The following PLEKHA2 variants were observed in gnomAD, a reference collection of about 807,000 sequenced individuals.
PLEKHA2 encodes the protein pleckstrin homology domain containing A2.
PLEKHA2 carries 28 observed loss-of-function variants against 53.2 expected under a neutral mutation model. That is an observed-to-expected ratio of 0.53 (90% CI 0.39 to 0.72). The LOEUF (loss-of-function observed/expected upper bound fraction) is 0.72, where lower values mean the gene tolerates loss of function less well. Ranked by LOEUF, PLEKHA2 falls within the 30% of genes least tolerant of loss-of-function variation. The pLI, the probability that PLEKHA2 is intolerant of heterozygous loss-of-function variation, is 0.00. For missense variants in PLEKHA2, 426 were observed against 537.9 expected, an observed-to-expected ratio of 0.79 and a Z score of 2.06; for synonymous variants, 193 against 196.4, an observed-to-expected ratio of 0.98 and a Z score of 0.14.
At chr8:38,912,388 C>T (rs547821273) in intron 1 of PLEKHA2, among the ~76,000 whole-genome samples, 1 of 152,312 alleles carries the variant, frequency 6.6e-6, no homozygotes, top group Non-Finnish European at 1.5e-5. Flanking sequence ...TGAAGCTTTG[C>T]CTTGGTCTTG....
chr8:38,966,761 T>A (rs540148207), intron 10 of PLEKHA2, among the ~76,000 whole-genome samples: 16 of 152,326 alleles, frequency 1.1e-4, no homozygotes, highest in East Asian at 7.7e-4. Flanking sequence ...TAAATTTTTT[T>A]AAAAGTTTTA....
chr8:38,957,358 TAAC>T lies in PLEKHA2; in HGVS notation c.812_814del (p.Thr271del). On this transcript the variant is annotated inframe_deletion, in exon 10 of 12. Coordinates refer to ENST00000617275, the MANE Select transcript of PLEKHA2 (RefSeq NM_021623.2). ...ATGAGGGACAACCTGTTTGAAATAA[TAAC>T]AAGCTCCAGGACCTTCTACGTACAG... 6.2e-7 allele frequency: 1 copy of T among 1,613,430 alleles called. No homozygotes were observed. Among genetic ancestry groups the T allele is most frequent in the Non-Finnish European group, 8.5e-7 (1 of 1,179,408 alleles).
At chr8:38,915,940 C>T in intron 1 of PLEKHA2, among the ~76,000 whole-genome samples, 1 of 152,160 alleles carries the variant, frequency 6.6e-6, no homozygotes, top group Middle Eastern at 3.2e-3. Context: ...TCATCCCCTT[C>T]AGCATTTATC....
chr8:38,932,986 T>C (rs978919382), intron 2 of PLEKHA2, among the ~76,000 whole-genome samples: 1 of 152,104 alleles, frequency 6.6e-6, no homozygotes, highest in Non-Finnish European at 1.5e-5. Context: ...CAGGGAGAGC[T>C]GCCAGGGAGG....
At chr8:38,938,460 T>C (rs1250596842) in intron 3 of PLEKHA2, among the ~76,000 whole-genome samples, 1 of 152,216 alleles carries the variant, frequency 6.6e-6, no homozygotes, top group African/African-American at 2.4e-5. Flanking sequence ...TTGCTGCCAC[T>C]GCTTCTGCCA....
At chr8:38,945,498 T>A (rs1834696923) in intron 4 of PLEKHA2, among the ~76,000 whole-genome samples, 1 of 152,240 alleles carries the variant, frequency 6.6e-6, no homozygotes, top group Non-Finnish European at 1.5e-5. Context: ...CTTCTATTTC[T>A]TGCAAATTTC....
At chr8:38,930,449 CT>C (rs1490533977) in intron 2 of PLEKHA2, among the ~76,000 whole-genome samples, 1 of 152,142 alleles carries the variant, frequency 6.6e-6, no homozygotes, top group African/African-American at 2.4e-5. Flanking sequence ...GGTGATCCCC[CT>C]GCCTCAGCCT....
At chr8:38,934,968 C>G (rs1834466513) in intron 2 of PLEKHA2, among the ~76,000 whole-genome samples, 1 of 152,132 alleles carries the variant, frequency 6.6e-6, no homozygotes, top group African/African-American at 2.4e-5. Flanking sequence ...TGAGAGTCTT[C>G]TACATACCAG....
In PLEKHA2 at chr8:38,969,607, C is replaced by G. The variant is rs771248643; in HGVS notation, c.1102C>G (p.Leu368Val). 5 of 1,607,712 alleles carry G rather than the reference C, an allele frequency of 3.1e-6. No homozygotes were observed. Among genetic ancestry groups the G allele is most frequent in the Admixed American group, 1.7e-5 (1 of 58,902 alleles). ...TPVPQAGEKL[L>V]PPGDTSEDSL... ...TGTCCCCCAGGCTGGGGAGAAGCTG[C>G]TTCCACCTGGAGACACTTCAGAGGA... The change falls in exon 12 of 12, where the codon CTT becomes GTT. Residue 368 changes from leucine (L) to valine (V), a missense_variant. Physicochemically the swap from Leu to Val is conservative, Grantham distance 32 (BLOSUM62 1). Transcript: ENST00000617275.
chr8:38,953,410 T>G lies in PLEKHA2; in HGVS notation c.773+43T>G, dbSNP rs528656720. 3.3e-4 allele frequency: 497 copies of G among 1,526,790 alleles called. 1 individual carries two copies. The highest frequency in any genetic ancestry group is 3.8e-4 in the Non-Finnish European group (415 of 1,100,646). The allele number at this position is 1,526,790 out of a possible 1,614,324, so 94.6% of individuals were successfully genotyped here. ...TTCTCTTCTAATCCAAACCTCCATTTGTCCTCTTAAATCTCCCTTTACTAC... is the reference window on the plus strand; with the variant it reads ...TTCTCTTCTAATCCAAACCTCCATTGGTCCTCTTAAATCTCCCTTTACTAC... On this transcript the variant is annotated intron_variant, in intron 9 of 11. Transcript: ENST00000617275.
rs1406454574 is a variant in PLEKHA2, at chr8:38,946,216, A to G, written c.340A>G (p.Ile114Val). The change falls in exon 5 of 12, where the codon ATC becomes GTC. Residue 114 changes from isoleucine to valine, a missense_variant. Coordinates refer to ENST00000617275, the MANE Select transcript of PLEKHA2 (RefSeq NM_021623.2). ...WVEALNQASK[I>V]TVPKGGGLPM... ...TGAAGCCCTGAACCAAGCCAGCAAGATCACCGTAAGTTTGGTTTCTTCTGT... is the reference window on the plus strand; with the variant it reads ...TGAAGCCCTGAACCAAGCCAGCAAGGTCACCGTAAGTTTGGTTTCTTCTGT... 3.1e-6 allele frequency: 5 copies of G among 1,599,324 alleles called. No individual in the cohort carries two copies. In the African/African-American group the frequency reaches 5.3e-5, roughly 17 times the overall value.
At chr8:38,953,426 C>A in intron 9 of PLEKHA2, 59 bp downstream of exon 9, 1 of 1,428,740 alleles carries the variant, frequency 7.0e-7, no homozygotes, top group South Asian at 1.1e-5. Context: ...CTTAAATCTC[C>A]CTTTACTACC....
intron 10 of PLEKHA2, among the ~76,000 whole-genome samples, chr8:38,958,623 G>A (rs1392738224): frequency 2.6e-5 from 4 of 152,238 alleles, no homozygotes; most frequent in Middle Eastern, 3.2e-3. Flanking sequence ...AGACAGCGGA[G>A]TGGGGGCTTG....
chr8:38,938,295 T>C (rs1392550033), intron 3 of PLEKHA2, among the ~76,000 whole-genome samples: 1 of 152,204 alleles, frequency 6.6e-6, no homozygotes, highest in African/African-American at 2.4e-5. Context: ...CTTTTGCCTA[T>C]AATTTCAGGG....
In PLEKHA2 at chr8:38,945,311, G is replaced by A. The variant is rs188179374; in HGVS notation, c.248-813G>A. Among the ~76,000 whole-genome samples, 75 of 152,204 alleles carry A rather than the reference G, an allele frequency of 4.9e-4. 1 individual carries two copies. In the East Asian group the frequency reaches 5.8e-3, roughly 12 times the overall value. ...TCAGCACTTAAAGATGTTTCCTAGC[G>A]CATAGTAGGTGCTCAGTAAATATTT... is the stretch of plus-strand genomic sequence containing the variant. On this transcript the variant is annotated intron_variant, in intron 4 of 11. Transcript: ENST00000617275.
At chr8:38,954,561 G>C (rs1214083122) in intron 9 of PLEKHA2, among the ~76,000 whole-genome samples, 1 of 152,120 alleles carries the variant, frequency 6.6e-6, no homozygotes, top group East Asian at 1.9e-4. Flanking sequence ...ACTAAACTGA[G>C]TTAAGGAAGT....
intron 10 of PLEKHA2, among the ~76,000 whole-genome samples, chr8:38,966,827 G>C (rs573498920): frequency 6.6e-6 from 1 of 152,068 alleles, no homozygotes; most frequent in South Asian, 2.1e-4. Context: ...AGGGGTACAA[G>C]TGCGGTTTTG....
chr8:38,924,921 C>G (rs1483278119), intron 2 of PLEKHA2, among the ~76,000 whole-genome samples: 1 of 152,134 alleles, frequency 6.6e-6, no homozygotes, highest in Non-Finnish European at 1.5e-5. Flanking sequence ...CTAAAAAGGA[C>G]CTGTATAAAT....
intron 5 of PLEKHA2, among the ~76,000 whole-genome samples, chr8:38,950,314 G>C (rs545995278): frequency 6.6e-6 from 1 of 152,260 alleles, no homozygotes; most frequent in South Asian, 2.1e-4. Context: ...GGTTACAGGT[G>C]TGAGGCCCCG....
Sources: allele counts gnomAD v4.1 joint callset (sites outside exome capture counted in the v4.1 genomes callset), GRCh38; gene constraint gnomAD v4.1.1; transcripts MANE v1.5; gene names NCBI Gene and HGNC (gene_info 2026-07-23, HGNC 2026-07-21).